The following KCNIP4 variants were observed in gnomAD, a reference collection of about 807,000 sequenced individuals.
The protein encoded by KCNIP4 is potassium voltage-gated channel interacting protein 4.
A neutral mutation model predicts 34.0 loss-of-function variants in KCNIP4; 12 were observed. The ratio of observed to expected loss-of-function variants is 0.35; its 90% CI spans 0.23 to 0.57. KCNIP4 has a LOEUF of 0.57. KCNIP4 is among the 20% of genes least tolerant of loss of function. The probability of loss-of-function intolerance (pLI) is 0.83; values close to 1 mark genes in which losing one functional copy is unlikely to be tolerated. For missense variants in KCNIP4, 238 were observed against 311.7 expected (o/e 0.76, Z 1.78); for synonymous variants, 124 against 102.2 (o/e 1.21, Z -1.29).
At chr4:21,290,011 CA>C (rs917713752) in intron 1 of KCNIP4, among the ~76,000 whole-genome samples, 8 of 150,082 alleles carry the variant, frequency 5.3e-5, no homozygotes, top group South Asian at 2.1e-4. Context: ...TTAGCAGGTA[CA>C]AAAAAAAATA....
chr4:21,039,467 C>T (rs1004334438), intron 1 of KCNIP4, among the ~76,000 whole-genome samples: 33 of 151,850 alleles, frequency 2.2e-4, no homozygotes, highest in Non-Finnish European at 8.8e-5. Context: ...CTAGAGTTCT[C>T]CTCTGCAAGA....
intron 1 of KCNIP4, among the ~76,000 whole-genome samples, chr4:21,940,286 T>C (rs780458456): frequency 1.3e-4 from 20 of 152,130 alleles, no homozygotes; most frequent in Non-Finnish European, 2.5e-4. Context: ...CTTCTTCTCA[T>C]AGCTTTATTC....
intron 1 of KCNIP4, among the ~76,000 whole-genome samples, chr4:21,658,416 T>A (rs1031922301): frequency 1.3e-5 from 2 of 152,016 alleles, no homozygotes; most frequent in Non-Finnish European, 2.9e-5. Context: ...ATAGGGCACA[T>A]CCCTTTTTTA....
intron 1 of KCNIP4, among the ~76,000 whole-genome samples, chr4:21,295,502 T>G (rs913335954): frequency 6.6e-6 from 1 of 152,080 alleles, no homozygotes; most frequent in African/African-American, 2.4e-5. Flanking sequence ...CCATTGCTCC[T>G]CCCATTACCC....
At chr4:21,247,936 C>T (rs866998999) in intron 1 of KCNIP4, among the ~76,000 whole-genome samples, 4 of 133,554 alleles carry the variant, frequency 3.0e-5, no homozygotes, top group South Asian at 2.3e-4. Flanking sequence ...TATATACACA[C>T]ATATATATAT....
At chr4:21,480,863 T>A (rs771803395) in intron 1 of KCNIP4, among the ~76,000 whole-genome samples, 9 of 152,166 alleles carry the variant, frequency 5.9e-5, no homozygotes, top group East Asian at 1.9e-4. Flanking sequence ...ATCCAAAAAA[T>A]TTATAAATAT....
intron 1 of KCNIP4, among the ~76,000 whole-genome samples, chr4:21,137,328 G>C (rs965770443): frequency 6.6e-6 from 1 of 152,126 alleles, no homozygotes; most frequent in African/African-American, 2.4e-5. Context: ...AGAAGATGTG[G>C]AACAGAACTT....
chr4:20,760,592 C>A (rs117983147), intron 3 of KCNIP4, among the ~76,000 whole-genome samples: 1 of 152,086 alleles, frequency 6.6e-6, no homozygotes, highest in South Asian at 2.1e-4. Flanking sequence ...CAGAGCTTCT[C>A]GATATGGTTT....
intron 1 of KCNIP4, among the ~76,000 whole-genome samples, chr4:21,068,947 C>A (rs1021111402): frequency 9.9e-5 from 15 of 152,068 alleles, no homozygotes; most frequent in African/African-American, 3.4e-4. Flanking sequence ...GAGTTTGAGC[C>A]TGGGCTTGAA....
At chr4:21,460,296 C>T (rs1729344888) in intron 1 of KCNIP4, among the ~76,000 whole-genome samples, 1 of 151,836 alleles carries the variant, frequency 6.6e-6, no homozygotes, top group Admixed American at 6.6e-5. Flanking sequence ...TAAATTTTAC[C>T]CAAATGTCAT....
chr4:21,465,291 AG>A (rs1219190726), intron 1 of KCNIP4, among the ~76,000 whole-genome samples: 3 of 152,162 alleles, frequency 2.0e-5, no homozygotes, highest in Non-Finnish European at 4.4e-5. Flanking sequence ...TACTGACAGC[AG>A]CTAAGAGTAA....
At chr4:21,927,209 T>A (rs181377671) in intron 1 of KCNIP4, among the ~76,000 whole-genome samples, 2 of 152,300 alleles carry the variant, frequency 1.3e-5, no homozygotes, top group East Asian at 3.9e-4. Context: ...ACCCATGTGA[T>A]CAGACTGGGC....
intron 1 of KCNIP4, among the ~76,000 whole-genome samples, chr4:21,674,707 T>A (rs1175908607): frequency 6.6e-6 from 1 of 152,056 alleles, no homozygotes; most frequent in Admixed American, 6.6e-5. Flanking sequence ...ACCACTTTCA[T>A]CTCCAGATAC....
intron 3 of KCNIP4, among the ~76,000 whole-genome samples, chr4:20,816,811 T>G (rs1716444267): frequency 6.6e-6 from 1 of 152,216 alleles, no homozygotes; most frequent in South Asian, 2.1e-4. Flanking sequence ...GACTCTGGAA[T>G]GGATTTCATC....
chr4:21,519,364 AC>A (rs1735070566), intron 1 of KCNIP4, among the ~76,000 whole-genome samples: 1 of 151,128 alleles, frequency 6.6e-6, no homozygotes, highest in Non-Finnish European at 1.5e-5. Flanking sequence ...ACACACACAC[AC>A]ACACACACGT....
chr4:21,822,246 T>C (rs1722397785), intron 1 of KCNIP4, among the ~76,000 whole-genome samples: 1 of 152,174 alleles, frequency 6.6e-6, no homozygotes, highest in African/African-American at 2.4e-5. Flanking sequence ...GCAAAGAGCA[T>C]ACTGGGAATC....
chr4:21,659,034 G>C (rs1748210826), intron 1 of KCNIP4, among the ~76,000 whole-genome samples: 1 of 152,164 alleles, frequency 6.6e-6, no homozygotes, highest in South Asian at 2.1e-4. Flanking sequence ...AATTTAATTA[G>C]CAGTTTAAAA....
chr4:20,842,247 T>C (rs886842429), intron 3 of KCNIP4, among the ~76,000 whole-genome samples: 1 of 152,004 alleles, frequency 6.6e-6, no homozygotes, highest in Non-Finnish European at 1.5e-5. Context: ...AGTCTAAGTA[T>C]GGATGTGGAG....
intron 1 of KCNIP4, among the ~76,000 whole-genome samples, chr4:21,129,844 G>A (rs914744988): frequency 2.0e-5 from 3 of 151,802 alleles, no homozygotes; most frequent in Non-Finnish European, 2.9e-5. Flanking sequence ...TGGGATAAAT[G>A]TGTCATAAGT....
Sources: gnomAD v4.1 joint callset for allele counts (sites outside exome capture counted in the v4.1 genomes callset) on GRCh38, gnomAD v4.1.1 for gene constraint, MANE v1.5 for transcripts, NCBI Gene and HGNC (gene_info 2026-07-23, HGNC 2026-07-21) for gene names.